Variants in PAWR observed in about 807,000 individuals in gnomAD.
The protein encoded by PAWR is pro-apoptotic WT1 regulator, also known as PRKC apoptosis WT1 regulator protein.
In PAWR, 23 loss-of-function variants were observed where a neutral mutation model predicts 32.0. That is an observed-to-expected ratio of 0.72 (90% CI 0.52 to 1.02). The LOEUF is 1.02. Among genes scored for constraint, PAWR ranks in the 50% least tolerant of loss-of-function variants. PAWR has a pLI of 0.00. For missense variants in PAWR, 457 were observed against 437.7 expected, an observed-to-expected ratio of 1.04 and a Z score of -0.39; for synonymous variants, 226 against 187.1, an observed-to-expected ratio of 1.21 and a Z score of -1.70.
At chr12:79,597,506 C>G (rs945580004) in intron 4 of PAWR, among the ~76,000 whole-genome samples, 2 of 151,952 alleles carry the variant, frequency 1.3e-5, no homozygotes, top group Non-Finnish European at 2.9e-5. Context: ...AAATACAAGT[C>G]CAAATGTTTT....
intron 3 of PAWR, among the ~76,000 whole-genome samples, chr12:79,617,884 G>A (rs10778681): frequency 2.0e-4 from 30 of 151,812 alleles, no homozygotes; most frequent in African/African-American, 4.8e-4. Flanking sequence ...ACCTGCCCCC[G>A]CTCTCTCTCT....
intron 2 of PAWR, among the ~76,000 whole-genome samples, chr12:79,631,646 G>T (rs571016741): frequency 6.6e-6 from 1 of 152,044 alleles, no homozygotes; most frequent in African/African-American, 2.4e-5. Flanking sequence ...ACCTCAGTAT[G>T]GAAAAATATG....
intron 4 of PAWR, among the ~76,000 whole-genome samples, chr12:79,600,612 G>A (rs1237601037): frequency 6.7e-6 from 1 of 148,892 alleles, no homozygotes; most frequent in Non-Finnish European, 1.5e-5. Context: ...CTACCAAGTA[G>A]CTGGGACTAC....
Position 79,588,316 on chromosome 12 carries a change from T to C in PAWR, c.*4291A>G, listed in dbSNP as rs1873445929. ...TATATACAGAAATACTAACTTGAAG[T>C]CACATTTAAATACCATCAACAGTTT... is the stretch of plus-strand genomic sequence containing the variant. On this transcript the variant is annotated 3_prime_UTR_variant, in exon 7 of 7. Transcript: ENST00000328827. 6.6e-6 allele frequency: 1 copy of C among 151,990 alleles called. No homozygotes were observed. The highest frequency in any genetic ancestry group is 2.4e-5 in the African/African-American group (1 of 41,444). The allele number at this position is 151,990 out of a possible 1,614,324, so 9.4% of individuals were successfully genotyped here. A position where few individuals can be genotyped will look rare whatever the true frequency, so the allele number is the denominator to read the frequency against.
intron 4 of PAWR, chr12:79,604,568 A>G (rs919767562): frequency 8.0e-7 from 1 of 1,252,960 alleles, no homozygotes; most frequent in Non-Finnish European, 1.0e-6. Context: ...AAATATTCAG[A>G]AGTACAGGAT....
chr12:79,666,782 G>T (rs1452737566), intron 2 of PAWR, among the ~76,000 whole-genome samples: 1 of 152,082 alleles, frequency 6.6e-6, no homozygotes, highest in Non-Finnish European at 1.5e-5. Flanking sequence ...AAATTTCTTG[G>T]TTTTAATTTC....
intron 2 of PAWR, among the ~76,000 whole-genome samples, chr12:79,629,369 A>G (rs942226250): frequency 6.6e-6 from 1 of 152,170 alleles, no homozygotes; most frequent in African/African-American, 2.4e-5. Flanking sequence ...TTACACAATA[A>G]AGAATATTAT....
intron 2 of PAWR, among the ~76,000 whole-genome samples, chr12:79,685,228 TA>T (rs1174914647): frequency 6.6e-6 from 1 of 152,228 alleles, no homozygotes; most frequent in Non-Finnish European, 1.5e-5. Flanking sequence ...GGTTTTACAC[TA>T]AACAGTCTCA....
chr12:79,629,436 C>T (rs1319252491), intron 2 of PAWR, among the ~76,000 whole-genome samples: 1 of 151,914 alleles, frequency 6.6e-6, no homozygotes, highest in Admixed American at 6.6e-5. Flanking sequence ...CCAGAAGACA[C>T]AGTTTTTAAA....
chr12:79,690,380 C>T lies in PAWR; in HGVS notation c.-136G>A. 1 of 1,348,614 alleles carries T rather than the reference C, an allele frequency of 7.4e-7. No homozygotes were observed. The highest frequency in any genetic ancestry group is 9.5e-7 in the Non-Finnish European group (1 of 1,054,824). 83.5% of individuals were successfully genotyped at this position (1,348,614 alleles called of 1,614,324 possible). On this transcript the variant is annotated 5_prime_UTR_variant, in exon 2 of 7. Transcript: ENST00000328827. ...AGAGGGACGGCCGCCGCTCCCACAG[C>T]AGCCGGCGGGGCTGAGGTGAAAGAC...
intron 3 of PAWR, among the ~76,000 whole-genome samples, chr12:79,615,734 T>C (rs1874698575): frequency 6.6e-6 from 1 of 152,210 alleles, no homozygotes; most frequent in African/African-American, 2.4e-5. Flanking sequence ...AAATATACTT[T>C]ATTAAATATG....
intron 2 of PAWR, among the ~76,000 whole-genome samples, chr12:79,654,508 C>T (rs1877002615): frequency 6.6e-6 from 1 of 152,116 alleles, no homozygotes; most frequent in Non-Finnish European, 1.5e-5. Flanking sequence ...GGCTTCCCTT[C>T]TTCACATGGG....
chr12:79,664,289 C>T (rs1409128297), intron 2 of PAWR, among the ~76,000 whole-genome samples: 5 of 152,082 alleles, frequency 3.3e-5, no homozygotes, highest in Non-Finnish European at 5.9e-5. Flanking sequence ...AGACAATGAT[C>T]GGAGTGATCC....
intron 2 of PAWR, among the ~76,000 whole-genome samples, chr12:79,673,129 G>A (rs1877990617): frequency 6.6e-6 from 1 of 152,092 alleles, no homozygotes; most frequent in Non-Finnish European, 1.5e-5. Flanking sequence ...GAGTGCAGTG[G>A]TGTGATCTTG....
intron 4 of PAWR, among the ~76,000 whole-genome samples, chr12:79,610,790 A>G (rs1004189574): frequency 1.3e-5 from 2 of 150,862 alleles, no homozygotes; most frequent in Admixed American, 6.6e-5. Flanking sequence ...AAAGAAAATT[A>G]CACATTGAAA....
At chr12:79,604,866 G>A (rs1185707067) in intron 4 of PAWR, 9 of 257,542 alleles carry the variant, frequency 3.5e-5, no homozygotes, top group Admixed American at 1.6e-4. Flanking sequence ...AGTGTCATCA[G>A]TAATTCCACT....
chr12:79,610,624 G>A (rs2136694606), intron 4 of PAWR, among the ~76,000 whole-genome samples: 1 of 151,948 alleles, frequency 6.6e-6, no homozygotes, highest in Admixed American at 6.6e-5. Context: ...CATTAGGTGA[G>A]GAGTAAAATT....
chr12:79,625,434 A>G (rs1041756946), intron 2 of PAWR, among the ~76,000 whole-genome samples: 2 of 152,220 alleles, frequency 1.3e-5, no homozygotes, highest in African/African-American at 4.8e-5. Flanking sequence ...GAATAAGCAA[A>G]AAGAAATCAT....
intron 2 of PAWR, among the ~76,000 whole-genome samples, chr12:79,684,417 C>T (rs963777406): frequency 6.6e-6 from 1 of 152,024 alleles, no homozygotes; most frequent in Admixed American, 6.6e-5. Context: ...TTGAGAGCAG[C>T]CTGGCCAACA....
Sources: allele counts gnomAD v4.1 joint callset (sites outside exome capture counted in the v4.1 genomes callset), GRCh38; gene constraint gnomAD v4.1.1; transcripts MANE v1.5; gene names NCBI Gene and HGNC (gene_info 2026-07-23, HGNC 2026-07-21).